Variants in SYNRG observed in about 807,000 individuals in gnomAD.
SYNRG encodes the protein AP1 gamma subunit binding protein 1.
A neutral mutation model predicts 130.9 loss-of-function variants in SYNRG; 37 were observed. That is an observed-to-expected ratio of 0.28 (90% CI 0.22 to 0.37). The LOEUF is 0.37. SYNRG is among the 10% of genes least tolerant of loss of function. The pLI, the probability that SYNRG is intolerant of heterozygous loss-of-function variation, is 1.00. For missense variants in SYNRG, 1,338 were observed against 1,588.9 expected, an observed-to-expected ratio of 0.84 and a Z score of 2.68; for synonymous variants, 539 against 568.1, an observed-to-expected ratio of 0.95 and a Z score of 0.73.
At position 37,537,845 on chromosome 17, in the gene SYNRG, T is replaced by G. The variant is rs182627116; in HGVS notation, c.3517+479A>C. Among the ~76,000 whole-genome samples the G allele has an allele frequency of 1.2e-4, 19 of 152,308 alleles. No individual in the cohort carries two copies. The East Asian group carries it at 3.7e-3, about 29-fold the overall frequency. On this transcript the variant is annotated intron_variant, in intron 18 of 21. Coordinates refer to ENST00000612223, the MANE Select transcript of SYNRG (RefSeq NM_007247.6). ...GATTAGGGTCCAGCATGTGTGGCTC[T>G]GGCCACGGGCCAAGCCTGAGCTTGG...
intron 19 of SYNRG, among the ~76,000 whole-genome samples, chr17:37,521,967 A>G (rs2055128837): frequency 6.6e-6 from 1 of 152,138 alleles, no homozygotes; most frequent in Non-Finnish European, 1.5e-5. Flanking sequence ...CCTGTGGGAC[A>G]GCGAAGGCCA....
intron 16 of SYNRG, 73 bp from the exon 17 acceptor site, chr17:37,539,318 A>T (rs1475246521): frequency 6.6e-7 from 1 of 1,505,306 alleles, no homozygotes; most frequent in Non-Finnish European, 9.2e-7. Context: ...CTGTCAATTC[A>T]AAGTGCTTGG....
intron 19 of SYNRG, among the ~76,000 whole-genome samples, chr17:37,534,567 T>G (rs932592990): frequency 3.9e-5 from 6 of 152,102 alleles, no homozygotes; most frequent in Non-Finnish European, 7.4e-5. Context: ...TATCACCAAG[T>G]AAACATAATT....
intron 19 of SYNRG, among the ~76,000 whole-genome samples, chr17:37,523,197 A>T (rs2055363456): frequency 6.6e-6 from 1 of 151,918 alleles, no homozygotes; most frequent in South Asian, 2.1e-4. Context: ...TCACTCTGTC[A>T]CCCAGGGTGG....
chr17:37,579,352 C>T (rs1207725138), intron 6 of SYNRG: 1 of 1,304,240 alleles, frequency 7.7e-7, no homozygotes, highest in Admixed American at 2.3e-5. Flanking sequence ...CAGGCCCCTG[C>T]ATAAAGTCAC....
rs553901222 is a variant in SYNRG at position 37,541,073 on chromosome 17, A to G, written c.3203-530T>C. 17 of 985,480 alleles carry G rather than the reference A, an allele frequency of 1.7e-5. No individual in the cohort carries two copies. In the South Asian group the frequency reaches 8.0e-4, roughly 46 times the overall value. The allele number at this position is 985,480 out of a possible 1,614,324, so 61.0% of individuals were successfully genotyped here. A position where few individuals can be genotyped will look rare whatever the true frequency, so the allele number is the denominator to read the frequency against. On this transcript the variant is annotated intron_variant, in intron 15 of 21. Coordinates refer to ENST00000612223, the MANE Select transcript of SYNRG (RefSeq NM_007247.6). ...TTCCCTGCGTTTCGTTTTCAACATG[A>G]CTCTTCTCTGATCTATCACAAGTCT... is the stretch of plus-strand genomic sequence containing the variant.
chr17:37,565,356 C>T (rs976369926), intron 11 of SYNRG, among the ~76,000 whole-genome samples: 46 of 152,320 alleles, frequency 3.0e-4, no homozygotes, highest in African/African-American at 1.1e-3. Context: ...ATCAATGGTG[C>T]CCAGGCTGGA....
chr17:37,603,474 T>C (rs1341621391), intron 1 of SYNRG, among the ~76,000 whole-genome samples: 1 of 152,222 alleles, frequency 6.6e-6, no homozygotes, highest in Non-Finnish European at 1.5e-5. Context: ...GTTATAGCCT[T>C]AGATATAGCC....
chr17:37,561,006 CTTATAG>C (rs2059486600), intron 13 of SYNRG, among the ~76,000 whole-genome samples, 183 bp downstream of exon 13: 1 of 152,146 alleles, frequency 6.6e-6, no homozygotes, highest in Admixed American at 6.6e-5. Context: ...AATTAGAATA[CTTATAG>C]TTTGAGTATC....
chr17:37,606,710 T>C (rs1017066326), intron 1 of SYNRG, among the ~76,000 whole-genome samples: 7 of 152,184 alleles, frequency 4.6e-5, no homozygotes, highest in Admixed American at 3.9e-4. Context: ...TATACAACTC[T>C]ACCATTTATT....
rs192492730 is a variant in SYNRG, at chr17:37,565,104, A to G, written c.1482-3515T>C. On this transcript the variant is annotated intron_variant, in intron 11 of 21. Transcript: ENST00000612223. ...TATGGTAAAACCCCATCTCTACTAA[A>G]AATACAAAAATTAGCTGGGTGTAGT... is the stretch of plus-strand genomic sequence containing the variant. Among the ~76,000 whole-genome samples the G allele has an allele frequency of 1.8e-3, 275 of 152,218 alleles. 1 individual carries two copies. The highest frequency in any genetic ancestry group is 3.4e-3 in the Non-Finnish European group (229 of 68,000).
Position 37,570,879 on chromosome 17 carries a change from C to T in SYNRG, c.1105G>A (p.Val369Ile), listed in dbSNP as rs779646605. 9.3e-6 allele frequency: 15 copies of T among 1,612,354 alleles called. No individual in the cohort carries two copies. Among genetic ancestry groups the T allele is most frequent in the East Asian group, 4.5e-5 (2 of 44,856 alleles). ...AAAGCATCAGGACTCATTGCAGGAACGCCCCTCTACAAATGATAGAAAGAA... is the reference window on the plus strand; with the variant it reads ...AAAGCATCAGGACTCATTGCAGGAATGCCCCTCTACAAATGATAGAAAGAA... ...LAMIAVTQRG[V>I]PAMSPDALNQ... Residue 369 changes from valine (V) to isoleucine (I), a missense_variant, in exon 10 of 22, where the codon GTT becomes ATT. By Grantham distance (29) the Val-to-Ile change is conservative (BLOSUM62 3). Around this residue, in one of 3 missense-constraint regions of SYNRG, gnomAD observed 1,146 missense variants for 1,342.3 expected, o/e 0.85. Coordinates refer to ENST00000612223, the MANE Select transcript of SYNRG (RefSeq NM_007247.6).
chr17:37,582,079 T>C (rs2061380962), intron 6 of SYNRG, among the ~76,000 whole-genome samples: 1 of 152,178 alleles, frequency 6.6e-6, no homozygotes, highest in Admixed American at 6.5e-5. Flanking sequence ...CATTTTAAAT[T>C]ACTTTGAATT....
intron 11 of SYNRG, among the ~76,000 whole-genome samples, chr17:37,565,829 G>C (rs1487050796): frequency 1.3e-5 from 2 of 151,704 alleles, no homozygotes; most frequent in Admixed American, 1.3e-4. Context: ...TCTGAGAAGT[G>C]AGGAGCCTCT....
chr17:37,529,508 G>A (rs1275439651), intron 19 of SYNRG, among the ~76,000 whole-genome samples: 8 of 140,552 alleles, frequency 5.7e-5, no homozygotes, highest in South Asian at 2.2e-4. Flanking sequence ...CAAGATTTTC[G>A]CATTTTATTG....
chr17:37,551,527 G>A (rs1015766054), intron 14 of SYNRG, among the ~76,000 whole-genome samples: 3 of 151,720 alleles, frequency 2.0e-5, no homozygotes, highest in African/African-American at 7.3e-5. Flanking sequence ...GTAAGAACAA[G>A]CTTGGTCAAA....
At chr17:37,522,183 T>C (rs1347681804) in intron 19 of SYNRG, among the ~76,000 whole-genome samples, 3 of 131,402 alleles carry the variant, frequency 2.3e-5, no homozygotes, top group Admixed American at 7.7e-5. Context: ...GGTCTCAATC[T>C]TGGAAAGCCG....
At chr17:37,578,146 A>G (rs2061002273) in intron 6 of SYNRG, among the ~76,000 whole-genome samples, 1 of 151,968 alleles carries the variant, frequency 6.6e-6, no homozygotes, top group Non-Finnish European at 1.5e-5. Context: ...CCTGACCCAC[A>G]TAATGAAACC....
intron 6 of SYNRG, chr17:37,579,457 G>T (rs1456851619): frequency 3.8e-6 from 5 of 1,299,034 alleles, no homozygotes; most frequent in Non-Finnish European, 5.1e-6. Context: ...AAATGGCAAT[G>T]AAACACACAA....
Sources: allele counts gnomAD v4.1 joint callset (sites outside exome capture counted in the v4.1 genomes callset), GRCh38; gene constraint gnomAD v4.1.1; regional missense constraint gnomAD v4.1.1; transcripts MANE v1.5; gene names NCBI Gene and HGNC (gene_info 2026-07-23, HGNC 2026-07-21).